Variants in ARHGAP10 observed in about 807,000 individuals in gnomAD.
ARHGAP10 encodes the protein rho GTPase-activating protein 10.
Under a neutral mutation model 108.6 loss-of-function variants are expected in ARHGAP10, and 87 were observed. The ratio of observed to expected loss-of-function variants is 0.80; its 90% confidence interval spans 0.67 to 0.96. ARHGAP10 has a LOEUF of 0.96. Among genes scored for constraint, ARHGAP10 ranks in the 40% least tolerant of loss-of-function variants. The pLI is 0.00. For missense variants in ARHGAP10, 939 were observed against 954.5 expected, an observed-to-expected ratio of 0.98 and a Z score of 0.21; for synonymous variants, 347 against 341.1, an observed-to-expected ratio of 1.02 and a Z score of -0.19.
intron 1 of ARHGAP10, among the ~76,000 whole-genome samples, chr4:147,774,992 G>T (rs1480251952): frequency 6.6e-6 from 1 of 150,972 alleles, no homozygotes; most frequent in Non-Finnish European, 1.5e-5. Flanking sequence ...TGCAACCTCT[G>T]TCTTCCAGTT....
chr4:147,902,575 T>C (rs1736294128), intron 10 of ARHGAP10, among the ~76,000 whole-genome samples: 1 of 152,068 alleles, frequency 6.6e-6, no homozygotes, highest in Non-Finnish European at 1.5e-5. Flanking sequence ...GCCCTGTCTC[T>C]ACTAAAAATA....
chr4:147,751,360 T>C (rs920719909), intron 1 of ARHGAP10, among the ~76,000 whole-genome samples: 1 of 151,606 alleles, frequency 6.6e-6, no homozygotes, highest in African/African-American at 2.4e-5. Flanking sequence ...GAGTAGATAA[T>C]AGTTGTTGTT....
At chr4:148,065,310 A>G (rs998532274) in intron 22 of ARHGAP10, 2 of 152,228 alleles carry the variant, frequency 1.3e-5, no homozygotes, top group East Asian at 1.9e-4. Flanking sequence ...GATATGTGGA[A>G]TGTATCAACA....
At position 147,785,977 on chromosome 4, in the gene ARHGAP10, A is replaced by G. The variant is rs375870169; in HGVS notation, c.155-36750A>G. On this transcript the variant is annotated intron_variant, in intron 1 of 22. Coordinates refer to ENST00000336498, the MANE Select transcript of ARHGAP10 (RefSeq NM_024605.4). ...AGTGTATTAACTCCTTTTACAGGTC[A>G]AACTTCTTTCTGATTTCGGGAAAAT... 3.3e-4 allele frequency among the ~76,000 whole-genome samples: 50 copies of G among 152,278 alleles called. 2 individuals carry two copies. In the South Asian group the frequency reaches 9.7e-3, roughly 30 times the overall value.
At chr4:147,854,879 A>T (rs544415239) in intron 4 of ARHGAP10, 1 of 985,174 alleles carries the variant, frequency 1.0e-6, no homozygotes, top group South Asian at 4.7e-5. Flanking sequence ...TCTTGGCTAA[A>T]TTCTTTCTTC....
chr4:147,856,552 A>G (rs929710892), intron 4 of ARHGAP10, among the ~76,000 whole-genome samples: 1 of 152,208 alleles, frequency 6.6e-6, no homozygotes, highest in Admixed American at 6.5e-5. Flanking sequence ...GCTTTATTTC[A>G]TGTACAAAAT....
intron 19 of ARHGAP10, among the ~76,000 whole-genome samples, chr4:148,028,086 G>GC (rs1727960579): frequency 1.3e-5 from 2 of 152,194 alleles, no homozygotes; most frequent in South Asian, 4.1e-4. Flanking sequence ...CAACGTGGCA[G>GC]TAAGTGCCCA....
intron 13 of ARHGAP10, among the ~76,000 whole-genome samples, chr4:147,935,550 A>T (rs549971780): frequency 6.6e-6 from 1 of 152,348 alleles, no homozygotes; most frequent in East Asian, 1.9e-4. Context: ...CTTGTTGATC[A>T]GAAATAGTGA....
At chr4:147,750,134 C>G (rs1220515191) in intron 1 of ARHGAP10, among the ~76,000 whole-genome samples, 1 of 152,044 alleles carries the variant, frequency 6.6e-6, no homozygotes, top group Non-Finnish European at 1.5e-5. Flanking sequence ...AATTTTCATT[C>G]CAAAAGCTTT....
intron 18 of ARHGAP10, among the ~76,000 whole-genome samples, chr4:148,002,461 T>A (rs899248785): frequency 3.3e-5 from 5 of 152,350 alleles, no homozygotes; most frequent in Admixed American, 2.0e-4. Flanking sequence ...TCTTTTTCTA[T>A]TGATTGGCAT....
intron 18 of ARHGAP10, among the ~76,000 whole-genome samples, chr4:147,992,429 G>A (rs6814079): frequency 0.11 from 17,018 of 151,674 alleles, 1,687 homozygotes; most frequent in African/African-American, 0.27. Context: ...TTTTTTTGTG[G>A]AGGAGTCTCG....
chr4:147,735,892 C>T (rs938606779), intron 1 of ARHGAP10, among the ~76,000 whole-genome samples: 42 of 152,106 alleles, frequency 2.8e-4, no homozygotes, highest in South Asian at 2.5e-3. Context: ...TGTAAGCCTT[C>T]GTGATGTCTA....
chr4:147,857,375 C>A (rs1469214280), intron 4 of ARHGAP10, among the ~76,000 whole-genome samples, 178 bp from the exon 5 acceptor site: 1 of 152,136 alleles, frequency 6.6e-6, no homozygotes, highest in Non-Finnish European at 1.5e-5. Flanking sequence ...TATCCTAATG[C>A]TGTCTTGATG....
chr4:147,862,571 C>A (rs190180343), intron 5 of ARHGAP10: 1 of 152,282 alleles, frequency 6.6e-6, no homozygotes, highest in Non-Finnish European at 1.5e-5. Context: ...CCAGACTGGC[C>A]GCTGCTGCCA....
At chr4:147,820,183 T>C (rs1732424371) in intron 1 of ARHGAP10, among the ~76,000 whole-genome samples, 1 of 152,168 alleles carries the variant, frequency 6.6e-6, no homozygotes, top group South Asian at 2.1e-4. Flanking sequence ...GTTTTCAAAC[T>C]GGAGTGAGTT....
chr4:147,878,027 C>T (rs1237400230), intron 8 of ARHGAP10, among the ~76,000 whole-genome samples: 1 of 152,092 alleles, frequency 6.6e-6, no homozygotes, highest in Non-Finnish European at 1.5e-5. Context: ...ACTTCCGCCT[C>T]CTGGGTTCAA....
intron 1 of ARHGAP10, among the ~76,000 whole-genome samples, chr4:147,809,458 AT>A (rs1237353109): frequency 6.6e-6 from 1 of 152,090 alleles, no homozygotes; most frequent in Non-Finnish European, 1.5e-5. Flanking sequence ...ACTTAGTAAT[AT>A]TTGATTCATT....
At chr4:147,946,011 G>T (rs778821836) in intron 14 of ARHGAP10, among the ~76,000 whole-genome samples, 1 of 152,156 alleles carries the variant, frequency 6.6e-6, no homozygotes, top group African/African-American at 2.4e-5. Context: ...CCCCCAGTGC[G>T]CGTGTGGGCC....
At chr4:147,993,791 A>G (rs905385002) in intron 18 of ARHGAP10, among the ~76,000 whole-genome samples, 2 of 152,252 alleles carry the variant, frequency 1.3e-5, no homozygotes, top group African/African-American at 2.4e-5. Flanking sequence ...AGAGGATATA[A>G]TGGATATAAT....
Sources: allele counts gnomAD v4.1 joint callset (sites outside exome capture counted in the v4.1 genomes callset), GRCh38; gene constraint gnomAD v4.1.1; transcripts MANE v1.5; gene names NCBI Gene and HGNC (gene_info 2026-07-23, HGNC 2026-07-21).